The following KCNIP4 variants were observed in gnomAD, a reference collection of about 807,000 sequenced individuals.
The protein encoded by KCNIP4 is potassium voltage-gated channel interacting protein 4, also known as Kv channel-interacting protein 4.
KCNIP4 carries 12 observed loss-of-function variants against 34.0 expected under a neutral mutation model. The ratio of observed to expected loss-of-function variants is 0.35; its 90% CI spans 0.23 to 0.57. The LOEUF (loss-of-function observed/expected upper bound fraction) is 0.57. Among genes scored for constraint, KCNIP4 ranks in the 20% least tolerant of loss-of-function variants. KCNIP4 has a pLI of 0.83. For synonymous variants in KCNIP4, 124 were observed against 102.2 expected, an observed-to-expected ratio of 1.21 and a Z score of -1.29; for missense variants, 238 against 311.7, an observed-to-expected ratio of 0.76 and a Z score of 1.78.
At chr4:21,808,069 C>T (rs533629585) in intron 1 of KCNIP4, among the ~76,000 whole-genome samples, 2 of 152,184 alleles carry the variant, frequency 1.3e-5, no homozygotes, top group African/African-American at 2.4e-5. Context: ...AATTATTTCA[C>T]TCAGAATGTA....
chr4:21,858,560 G>A (rs1174955141), intron 1 of KCNIP4, among the ~76,000 whole-genome samples: 1 of 152,158 alleles, frequency 6.6e-6, no homozygotes, highest in Non-Finnish European at 1.5e-5. Flanking sequence ...GTTATGCGAT[G>A]AAGAATTCAA....
Position 21,138,033 on chromosome 4 carries a change from G to A in KCNIP4, c.62-255324C>T, listed in dbSNP as rs137854942. ...ACTACAGGCACATGCCATCACACTC[G>A]GCTAATTTTTGTATTTTTAGTAGAG... On this transcript the variant is annotated intron_variant, in intron 1 of 8. Transcript: ENST00000382152. Among the ~76,000 whole-genome samples, 273 of 151,832 alleles carry A rather than the reference G, an allele frequency of 1.8e-3. 2 individuals are homozygous for A. Among genetic ancestry groups the A allele is most frequent in the African/African-American group, 6.1e-3 (254 of 41,418 alleles).
chr4:21,253,154 A>G (rs1760837425), intron 1 of KCNIP4, among the ~76,000 whole-genome samples: 1 of 152,190 alleles, frequency 6.6e-6, no homozygotes, highest in South Asian at 2.1e-4. Context: ...TTATCATTAA[A>G]ATAATTTCTA....
intron 1 of KCNIP4, among the ~76,000 whole-genome samples, chr4:21,123,387 C>A (rs1418093588): frequency 1.3e-5 from 2 of 152,072 alleles, no homozygotes; most frequent in Admixed American, 6.6e-5. Flanking sequence ...TCAAAATTAT[C>A]TTTTTCTGAG....
chr4:21,176,252 T>C (rs10009537), intron 1 of KCNIP4, among the ~76,000 whole-genome samples: 2,487 of 152,260 alleles, frequency 0.016, 72 homozygotes, highest in African/African-American at 0.056. Flanking sequence ...AGCCTTTGTT[T>C]TCTCCTCTGA....
chr4:21,027,436 G>T (rs1021586633), intron 1 of KCNIP4, among the ~76,000 whole-genome samples: 2 of 151,696 alleles, frequency 1.3e-5, no homozygotes, highest in Admixed American at 1.3e-4. Context: ...ACGGGGCTGA[G>T]GGAAAAAAAG....
chr4:21,825,651 A>T (rs1722637810), intron 1 of KCNIP4, among the ~76,000 whole-genome samples: 1 of 152,168 alleles, frequency 6.6e-6, no homozygotes, highest in South Asian at 2.1e-4. Flanking sequence ...CGACAAAAAT[A>T]TTATTTTGAA....
intron 1 of KCNIP4, among the ~76,000 whole-genome samples, chr4:20,982,179 G>A (rs78742322): frequency 0.054 from 8,225 of 152,186 alleles, 701 homozygotes; most frequent in African/African-American, 0.18. Flanking sequence ...TCCTCATAAT[G>A]CTGTGAAAGT....
chr4:21,592,846 T>G (rs1326093508), intron 1 of KCNIP4, among the ~76,000 whole-genome samples: 1 of 152,050 alleles, frequency 6.6e-6, no homozygotes, highest in Non-Finnish European at 1.5e-5. Flanking sequence ...TTTTTTGGTG[T>G]TTGAAGCGAG....
At chr4:21,090,130 A>AT (rs1380750863) in intron 1 of KCNIP4, among the ~76,000 whole-genome samples, 1 of 152,006 alleles carries the variant, frequency 6.6e-6, no homozygotes, top group Non-Finnish European at 1.5e-5. Flanking sequence ...TGCCGTTAGA[A>AT]TTTTTCACAC....
chr4:21,170,823 T>C (rs1753969931), intron 1 of KCNIP4, among the ~76,000 whole-genome samples: 1 of 152,228 alleles, frequency 6.6e-6, no homozygotes, highest in Admixed American at 6.5e-5. Context: ...TAAAAGTTAA[T>C]TTTCCTATTT....
chr4:21,912,643 G>A (rs1275936412), intron 1 of KCNIP4, among the ~76,000 whole-genome samples: 1 of 152,088 alleles, frequency 6.6e-6, no homozygotes, highest in African/African-American at 2.4e-5. Flanking sequence ...AACACAGAAT[G>A]AGCTGGCCAT....
In KCNIP4 at chr4:21,515,415, G is replaced by A. The variant is rs1012974174; in HGVS notation, c.61+433156C>T. 2.0e-5 allele frequency among the ~76,000 whole-genome samples: 3 copies of A among 152,162 alleles called. No individual in the cohort carries two copies. In the South Asian group the frequency reaches 6.2e-4, roughly 32 times the overall value. On this transcript the variant is annotated intron_variant, in intron 1 of 8. Transcript: ENST00000382152. ...GCACTTTGGGAGGCAGAGACGGGTG[G>A]ATCACGAGGTCAGGAAATCGAGACC...
intron 1 of KCNIP4, among the ~76,000 whole-genome samples, chr4:21,512,726 T>C (rs866163233): frequency 2.6e-5 from 4 of 152,192 alleles, no homozygotes; most frequent in African/African-American, 7.2e-5. Context: ...CTGTAAGATA[T>C]GCATTGGCTT....
intron 1 of KCNIP4, among the ~76,000 whole-genome samples, chr4:21,236,378 C>CACTTT (rs917992531): frequency 2.0e-5 from 3 of 152,078 alleles, no homozygotes; most frequent in African/African-American, 7.2e-5. Flanking sequence ...TTGATACAAC[C>CACTTT]ACTTTACTTT....
chr4:20,784,334 A>ACCCTCAG (rs775594445), intron 3 of KCNIP4, among the ~76,000 whole-genome samples: 27 of 152,160 alleles, frequency 1.8e-4, no homozygotes, highest in Admixed American at 3.9e-4. Context: ...GCCACTTTTC[A>ACCCTCAG]CCCTCAGCCT....
chr4:21,580,382 T>A (rs1354557282), intron 1 of KCNIP4, among the ~76,000 whole-genome samples: 1 of 152,164 alleles, frequency 6.6e-6, no homozygotes, highest in Non-Finnish European at 1.5e-5. Flanking sequence ...TCTGGATATG[T>A]CTTGTTTTAA....
chr4:21,303,023 A>G (rs1711927455), intron 1 of KCNIP4, among the ~76,000 whole-genome samples: 1 of 152,138 alleles, frequency 6.6e-6, no homozygotes, highest in Non-Finnish European at 1.5e-5. Flanking sequence ...ATGCAAACAC[A>G]CTCTCAAAAT....
intron 3 of KCNIP4, among the ~76,000 whole-genome samples, chr4:20,801,629 A>G (rs192870734): frequency 6.6e-6 from 1 of 152,228 alleles, no homozygotes; most frequent in East Asian, 1.9e-4. Context: ...GCTGATTAAA[A>G]CTATAAGATG....
Sources: allele counts gnomAD v4.1 joint callset (sites outside exome capture counted in the v4.1 genomes callset), GRCh38; gene constraint gnomAD v4.1.1; transcripts MANE v1.5; gene names NCBI Gene and HGNC (gene_info 2026-07-23, HGNC 2026-07-21).